The following TENM4 variants were observed in gnomAD, a reference collection of about 807,000 sequenced individuals.
TENM4 encodes the protein teneurin-4.
In TENM4, 82 loss-of-function variants were observed where a neutral mutation model predicts 243.3. The observed-to-expected ratio is 0.34, with a 90% CI of 0.28 to 0.40. TENM4 has a LOEUF of 0.40. Ranked by LOEUF, TENM4 falls within the 10% of genes least tolerant of loss-of-function variation. The pLI is 1.00. For missense variants in TENM4, 3,138 were observed against 3,673.3 expected, an observed-to-expected ratio of 0.85 and a Z score of 3.77; for synonymous variants, 1,412 against 1,456.3, an observed-to-expected ratio of 0.97 and a Z score of 0.69.
chr11:79,020,300 G>T (rs1428845626), intron 6 of TENM4, among the ~76,000 whole-genome samples: 1 of 152,152 alleles, frequency 6.6e-6, no homozygotes, highest in Non-Finnish European at 1.5e-5. Context: ...GACACAAAAA[G>T]CACTATTAGA....
chr11:78,675,245 T>A (rs906141091), intron 30 of TENM4, among the ~76,000 whole-genome samples: 3 of 152,182 alleles, frequency 2.0e-5, no homozygotes, highest in Non-Finnish European at 2.9e-5. Flanking sequence ...GATTGTCTCA[T>A]GTGTAAAAGA....
At chr11:79,229,797 A>G (rs543374230) in intron 2 of TENM4, among the ~76,000 whole-genome samples, 101 of 152,280 alleles carry the variant, frequency 6.6e-4, no homozygotes, top group Non-Finnish European at 1.2e-3. Flanking sequence ...TATTTGCTGA[A>G]TGAATGAGTG....
At chr11:79,092,037 G>C (rs1860968230) in intron 4 of TENM4, among the ~76,000 whole-genome samples, 1 of 152,112 alleles carries the variant, frequency 6.6e-6, no homozygotes, top group African/African-American at 2.4e-5. Flanking sequence ...GGATTCTGTT[G>C]GAGAGCTCAG....
intron 4 of TENM4, among the ~76,000 whole-genome samples, chr11:79,126,188 T>C (rs1211897574): frequency 2.0e-5 from 3 of 152,206 alleles, no homozygotes; most frequent in Non-Finnish European, 4.4e-5. Context: ...CTTGGTTTAA[T>C]GTAGAGGAAG....
At chr11:79,324,792 C>T (rs1255126559) in intron 1 of TENM4, among the ~76,000 whole-genome samples, 1 of 152,092 alleles carries the variant, frequency 6.6e-6, no homozygotes, top group Non-Finnish European at 1.5e-5. Context: ...GCTGCTGTCC[C>T]CCGGAGGCCA....
At chr11:78,970,061 A>G (rs1024516794) in intron 6 of TENM4, among the ~76,000 whole-genome samples, 2 of 152,244 alleles carry the variant, frequency 1.3e-5, no homozygotes, top group African/African-American at 4.8e-5. Context: ...AAGTGAAATT[A>G]TACTCAGTTC....
At chr11:79,051,892 G>A (rs1282058070) in intron 6 of TENM4, among the ~76,000 whole-genome samples, 6 of 152,152 alleles carry the variant, frequency 3.9e-5, no homozygotes, top group Admixed American at 2.6e-4. Flanking sequence ...CCATTTCTGC[G>A]TTAGTTTGCT....
intron 4 of TENM4, among the ~76,000 whole-genome samples, chr11:79,120,046 G>A (rs959721906): frequency 3.3e-5 from 5 of 152,192 alleles, no homozygotes; most frequent in Non-Finnish European, 4.4e-5. Context: ...GAAGCCAGAC[G>A]AGGCTTTGAA....
At chr11:79,417,629 GTC>G in intron 1 of TENM4, among the ~76,000 whole-genome samples, 1 of 152,206 alleles carries the variant, frequency 6.6e-6, no homozygotes, top group South Asian at 2.1e-4. Flanking sequence ...CACTATGTAT[GTC>G]TCCTATAGTC....
intron 3 of TENM4, among the ~76,000 whole-genome samples, chr11:79,185,194 A>G (rs1863359117): frequency 1.3e-5 from 2 of 152,048 alleles, no homozygotes; most frequent in Non-Finnish European, 2.9e-5. Context: ...TCTACTTGAG[A>G]GGCTGAGGTG....
At chr11:78,713,270 CACTTATCA>C (rs1255329189) in intron 25 of TENM4, among the ~76,000 whole-genome samples, 1 of 152,174 alleles carries the variant, frequency 6.6e-6, no homozygotes, top group Non-Finnish European at 1.5e-5. Context: ...ACTCATGTTA[CACTTATCA>C]GGAGCCCAGG....
chr11:79,401,587 T>C (rs1565331269), intron 1 of TENM4, among the ~76,000 whole-genome samples: 1 of 152,226 alleles, frequency 6.6e-6, no homozygotes, highest in Non-Finnish European at 1.5e-5. Context: ...ATTTTACCAT[T>C]AGAGGCAACC....
chr11:78,993,221 G>C (rs1389492250), intron 6 of TENM4, among the ~76,000 whole-genome samples: 1 of 152,178 alleles, frequency 6.6e-6, no homozygotes, highest in East Asian at 1.9e-4. Flanking sequence ...GGGAGTTGAG[G>C]AAAAGGTGCT....
intron 1 of TENM4, among the ~76,000 whole-genome samples, chr11:79,409,474 G>A (rs1317668137): frequency 1.3e-5 from 2 of 152,132 alleles, no homozygotes; most frequent in South Asian, 2.1e-4. Context: ...GGAATCCAGC[G>A]TGGCTAGGGA....
At chr11:79,418,358 G>A (rs981243232) in intron 1 of TENM4, among the ~76,000 whole-genome samples, 1 of 152,056 alleles carries the variant, frequency 6.6e-6, no homozygotes, top group African/African-American at 2.4e-5. Context: ...CCCTAAACAA[G>A]CAAAAACACT....
At chr11:78,750,450 T>G (rs182847597) in intron 19 of TENM4, among the ~76,000 whole-genome samples, 1 of 152,368 alleles carries the variant, frequency 6.6e-6, no homozygotes, top group East Asian at 1.9e-4. Flanking sequence ...GGCCATCTCC[T>G]GCCAGAAGTC....
At chr11:79,422,139 G>C in intron 1 of TENM4, 1 of 153,898 alleles carries the variant, frequency 6.5e-6, no homozygotes, top group Non-Finnish European at 1.5e-5. Context: ...TCTCAACTCT[G>C]TTCACCTCCA....
At chr11:78,711,630 C>T (rs1171758640) in intron 26 of TENM4, among the ~76,000 whole-genome samples, 1 of 152,142 alleles carries the variant, frequency 6.6e-6, no homozygotes, top group African/African-American at 2.4e-5. Flanking sequence ...GGCATTATTA[C>T]CCCCATTCTA....
At chr11:78,820,141 A>G in intron 12 of TENM4, among the ~76,000 whole-genome samples, 1 of 152,252 alleles carries the variant, frequency 6.6e-6, no homozygotes, top group East Asian at 1.9e-4. Context: ...TTCTACAGCA[A>G]CTCAAGGTTG....
Sources: gnomAD v4.1 joint callset for allele counts (sites outside exome capture counted in the v4.1 genomes callset) on GRCh38, gnomAD v4.1.1 for gene constraint, MANE v1.5 for transcripts, NCBI Gene and HGNC (gene_info 2026-07-23, HGNC 2026-07-21) for gene names.